EXOC6B: variants seen among roughly 807,000 people sequenced by gnomAD.
EXOC6B encodes exocyst complex component 6B, also known as SEC15 homolog B.
A neutral mutation model predicts 113.5 loss-of-function variants in EXOC6B; 54 were observed. That is an observed-to-expected ratio of 0.48 (90% CI 0.38 to 0.60). The LOEUF (loss-of-function observed/expected upper bound fraction) is 0.60. EXOC6B is among the 20% of genes least tolerant of loss of function. The probability of loss-of-function intolerance (pLI) is 0.00; values close to 1 mark genes in which losing one functional copy is unlikely to be tolerated. For missense variants in EXOC6B, 797 were observed against 977.5 expected (o/e 0.82, Z 2.46); for synonymous variants, 357 against 339.0 (o/e 1.05, Z -0.58).
intron 19 of EXOC6B, among the ~76,000 whole-genome samples, chr2:72,359,535 C>A (rs2104976927): frequency 6.6e-6 from 1 of 152,118 alleles, no homozygotes; most frequent in East Asian, 1.9e-4. Context: ...TTACCTAGTC[C>A]CAAGCATTTT....
intron 14 of EXOC6B, among the ~76,000 whole-genome samples, chr2:72,496,126 CTT>C (rs968387359): frequency 9.2e-5 from 14 of 151,864 alleles, no homozygotes; most frequent in African/African-American, 3.1e-4. Flanking sequence ...GAAAAAATGT[CTT>C]TAAATTTTAA....
chr2:72,402,640 T>C (rs1693413181), intron 18 of EXOC6B, among the ~76,000 whole-genome samples: 1 of 152,200 alleles, frequency 6.6e-6, no homozygotes, highest in Non-Finnish European at 1.5e-5. Context: ...CTTTCTCAGA[T>C]AGTTTCTGTC....
At chr2:72,620,731 G>A (rs1671694374) in intron 6 of EXOC6B, among the ~76,000 whole-genome samples, 1 of 151,746 alleles carries the variant, frequency 6.6e-6, no homozygotes, top group Non-Finnish European at 1.5e-5. Flanking sequence ...CCTACAGAAT[G>A]GAAGAAAATA....
intron 6 of EXOC6B, among the ~76,000 whole-genome samples, chr2:72,577,439 A>G (rs930565431): frequency 6.6e-6 from 1 of 152,050 alleles, no homozygotes; most frequent in Admixed American, 6.6e-5. Context: ...TTTCAACTAG[A>G]GAGTGATCAT....
At chr2:72,666,109 G>A (rs568422786) in intron 6 of EXOC6B, among the ~76,000 whole-genome samples, 102 of 152,280 alleles carry the variant, frequency 6.7e-4, no homozygotes, top group Non-Finnish European at 1.2e-3. Context: ...ATTACATAAT[G>A]ATAAAGGGTT....
intron 18 of EXOC6B, among the ~76,000 whole-genome samples, chr2:72,439,898 T>A (rs1421833604): frequency 2.0e-5 from 3 of 152,226 alleles, no homozygotes; most frequent in Non-Finnish European, 4.4e-5. Flanking sequence ...TTGGATATTT[T>A]TTTTTATACA....
At chr2:72,454,347 A>G (rs1697086851) in intron 18 of EXOC6B, among the ~76,000 whole-genome samples, 1 of 152,102 alleles carries the variant, frequency 6.6e-6, no homozygotes, top group African/African-American at 2.4e-5. Context: ...CAACAAAAAA[A>G]TAATAAGTTA....
In EXOC6B at chr2:72,328,093, T is replaced by C. The variant is rs560927016; in HGVS notation, c.2196+6854A>G. On this transcript the variant is annotated intron_variant, in intron 20 of 21. Transcript: ENST00000272427. ...TCCCCAGAAGCTGTTAGCTCTCCCC[T>C]ACCCATACTTAGGAATAGGAATTAT... Among the ~76,000 whole-genome samples, 3 of 152,232 alleles carry C rather than the reference T, an allele frequency of 2.0e-5. No individual in the cohort carries two copies. The South Asian group carries it at 6.2e-4, about 32-fold the overall frequency.
chr2:72,451,686 G>T (rs1696930558), intron 18 of EXOC6B, among the ~76,000 whole-genome samples: 1 of 151,558 alleles, frequency 6.6e-6, no homozygotes, highest in South Asian at 2.1e-4. Context: ...GTGTGTGTGT[G>T]TGTATCCCTA....
At chr2:72,397,493 G>A (rs1031913565) in intron 18 of EXOC6B, among the ~76,000 whole-genome samples, 3 of 151,238 alleles carry the variant, frequency 2.0e-5, no homozygotes, top group African/African-American at 4.9e-5. Flanking sequence ...GGTGGCATGC[G>A]TCTATAGTCC....
intron 6 of EXOC6B, among the ~76,000 whole-genome samples, chr2:72,658,306 AAAAAAG>A (rs1425749977): frequency 2.7e-5 from 4 of 148,682 alleles, no homozygotes; most frequent in African/African-American, 9.8e-5. Flanking sequence ...AAAAAAAAAA[AAAAAAG>A]GATAAAATCA....
At chr2:72,641,040 G>A (rs572595751) in intron 6 of EXOC6B, among the ~76,000 whole-genome samples, 48 of 152,258 alleles carry the variant, frequency 3.2e-4, no homozygotes, top group Non-Finnish European at 5.3e-4. Context: ...TTAACATCCC[G>A]CTGACAATAT....
At chr2:72,671,127 C>G (rs1231107260) in intron 6 of EXOC6B, among the ~76,000 whole-genome samples, 1 of 151,982 alleles carries the variant, frequency 6.6e-6, no homozygotes, top group Admixed American at 6.6e-5. Context: ...TGTAGAACCT[C>G]AAAAACATAG....
At chr2:72,365,511 C>G (rs1448913563) in intron 19 of EXOC6B, among the ~76,000 whole-genome samples, 1 of 152,116 alleles carries the variant, frequency 6.6e-6, no homozygotes, top group Non-Finnish European at 1.5e-5. Context: ...TGCTATAAAG[C>G]AGGCAAAGGG....
intron 6 of EXOC6B, among the ~76,000 whole-genome samples, chr2:72,662,557 A>G (rs1675099231): frequency 6.6e-6 from 1 of 152,216 alleles, no homozygotes; most frequent in Non-Finnish European, 1.5e-5. Flanking sequence ...TACGATGAAA[A>G]GATGCTCAAG....
chr2:72,766,089 G>A (rs140608893), intron 1 of EXOC6B, among the ~76,000 whole-genome samples: 102 of 152,312 alleles, frequency 6.7e-4, no homozygotes, highest in African/African-American at 2.4e-3. Flanking sequence ...AGGTAGTATT[G>A]AGGTATAAAG....
At chr2:72,352,752 G>A (rs1192737860) in intron 19 of EXOC6B, among the ~76,000 whole-genome samples, 1 of 146,828 alleles carries the variant, frequency 6.8e-6, no homozygotes, top group Non-Finnish European at 1.5e-5. Context: ...TTTGAGATGT[G>A]TAAGGCGTTA....
At chr2:72,624,148 T>TC (rs920253308) in intron 6 of EXOC6B, among the ~76,000 whole-genome samples, 1 of 152,134 alleles carries the variant, frequency 6.6e-6, no homozygotes, top group African/African-American at 2.4e-5. Flanking sequence ...CTTTTTTTTT[T>TC]CCTTTTTTGA....
At chr2:72,190,190 A>T (rs538620155) in intron 20 of EXOC6B, among the ~76,000 whole-genome samples, 2 of 151,484 alleles carry the variant, frequency 1.3e-5, no homozygotes, top group Admixed American at 1.3e-4. Context: ...CACCACTATG[A>T]CCAGGTTAAC....
Sources: gnomAD v4.1 joint callset for allele counts (sites outside exome capture counted in the v4.1 genomes callset) on GRCh38, gnomAD v4.1.1 for gene constraint, MANE v1.5 for transcripts, NCBI Gene and HGNC (gene_info 2026-07-23, HGNC 2026-07-21) for gene names.